FCRLA: variants seen among roughly 807,000 people sequenced by gnomAD.
FCRLA encodes the protein Fc receptor like A, also known as Fc receptor-like A.
FCRLA carries 26 observed loss-of-function variants against 28.4 expected under a neutral mutation model. That is an observed-to-expected ratio of 0.91 (90% CI 0.67 to 1.27). The LOEUF (loss-of-function observed/expected upper bound fraction) is 1.27, where lower values mean the gene tolerates loss of function less well. FCRLA is among the 50% of genes most tolerant of loss of function. The pLI, the probability that FCRLA is intolerant of heterozygous loss-of-function variation, is 0.00. For missense variants in FCRLA, 422 were observed against 433.1 expected, an observed-to-expected ratio of 0.97 and a Z score of 0.23; for synonymous variants, 174 against 168.5, an observed-to-expected ratio of 1.03 and a Z score of -0.25.
Position 161,711,492 on chromosome 1 carries a change from C to CA in FCRLA, c.499+19dup, listed in dbSNP as rs1557921875. 1 of 1,602,892 alleles carries CA rather than the reference C, an allele frequency of 6.2e-7. No individual in the cohort carries two copies. The highest frequency in any genetic ancestry group is 2.2e-5 in the East Asian group (1 of 44,678). On this transcript the variant is annotated intron_variant, in intron 3 of 4. Transcript: ENST00000236938. ...AGTCCAAGGTGAGAGCTAGAAGCAG[C>CA]ATTGTCATGGCAGGGGAGGGTAAGG...
chr1:161,710,160 A>G, intron 1 of FCRLA: 1 of 398,226 alleles, frequency 2.5e-6, no homozygotes, highest in South Asian at 2.8e-5. Flanking sequence ...GAAGTAGACC[A>G]TATTTGCACA....
rs910532078 is a variant in FCRLA, at chr1:161,712,010, T to A, written c.576T>A (p.Cys192Ter). 82 of 1,614,040 alleles carry A rather than the reference T, an allele frequency of 5.1e-5. No homozygotes were observed. The highest frequency in any genetic ancestry group is 6.7e-5 in the Non-Finnish European group (79 of 1,180,032). Residue 192 changes from cysteine (C) to a stop codon, truncating the protein, a stop_gained, in exon 4 of 5, where the codon TGT becomes TGA. Transcript: ENST00000236938. LOFTEE classifies it high-confidence loss of function. The part of the protein sequence containing the change: ...PQAGSPMTLS[C>*]QTKLPLQRSA... Reference sequence around the variant, plus strand: ...CAGGAAGCCCCATGACCCTGAGTTGTCAGACAAAGTTGCCCCTGCAGAGGT... The same window carrying A: ...CAGGAAGCCCCATGACCCTGAGTTGACAGACAAAGTTGCCCCTGCAGAGGT...
chr1:161,714,005 A>T lies in FCRLA; in HGVS notation c.*625A>T, dbSNP rs1167425702. On this transcript the variant is annotated 3_prime_UTR_variant, in exon 5 of 5. Transcript: ENST00000236938. ...GCCTCATTCAGCTATTCTTACTGAC[A>T]TACCAGTCTTTAGCTGGTGCTATGG... 6.6e-6 allele frequency: 1 copy of T among 152,412 alleles called. No homozygotes were observed. The highest frequency in any genetic ancestry group is 2.4e-5 in the African/African-American group (1 of 41,446). 9.4% of individuals were successfully genotyped at this position (152,412 alleles called of 1,614,324 possible). A position where few individuals can be genotyped will look rare whatever the true frequency, so the allele number is the denominator to read the frequency against.
At position 161,713,103 on chromosome 1, in the gene FCRLA, C is replaced by T. The variant is rs2101663292; in HGVS notation, c.803C>T (p.Ala268Val). 1 of 1,613,544 alleles carries T rather than the reference C, an allele frequency of 6.2e-7. No individual in the cohort carries two copies. Among genetic ancestry groups the T allele is most frequent in the African/African-American group, 1.3e-5 (1 of 74,932 alleles). ...AATTCAGGTGCTTCCAGCTCTGCTG[C>T]ACCTCCCACATTGAATCCAGCTCCT... ...IRVQGASSSAAPPTLNPAPQK... is the reference protein window; with the variant it reads ...IRVQGASSSAVPPTLNPAPQK... Residue 268 changes from alanine to valine, a missense_variant, in exon 5 of 5, where the codon GCA (alanine) becomes GTA (valine). Ala to Val is a moderately conservative substitution (Grantham distance 64). Around this residue, in one of 3 missense-constraint regions of FCRLA, gnomAD observed 185 missense variants for 198.1 expected, o/e 0.93. Coordinates refer to ENST00000236938, the MANE Select transcript of FCRLA (RefSeq NM_032738.4).
chr1:161,713,057 T>G, intron 4 of FCRLA, 28 bp from the exon 5 acceptor site: 1 of 1,594,076 alleles, frequency 6.3e-7, no homozygotes, highest in Non-Finnish European at 8.5e-7. Flanking sequence ...ACTTCACTCT[T>G]GTATGTGCCT....
At chr1:161,711,822 T>C in intron 3 of FCRLA, 112 bp from the exon 4 acceptor site, 3 of 1,290,024 alleles carry the variant, frequency 2.3e-6, no homozygotes, top group Non-Finnish European at 3.2e-6. Context: ...GAGAGCCCAT[T>C]CCTGCTGGAA....
intron 2 of FCRLA, 25 bp downstream of exon 2, chr1:161,710,937 A>T: frequency 1.2e-6 from 2 of 1,611,182 alleles, no homozygotes; most frequent in South Asian, 2.2e-5. Flanking sequence ...AGGCCTGAGC[A>T]GTGCCCCAAA....
intron 3 of FCRLA, 101 bp downstream of exon 3, chr1:161,711,575 G>A: frequency 1.4e-6 from 2 of 1,440,678 alleles, no homozygotes; most frequent in Non-Finnish European, 1.9e-6. Context: ...ATCATCAACA[G>A]ACTATGGAGC....
Position 161,712,072 on chromosome 1 carries a change from G to A in FCRLA, c.638G>A (p.Gly213Glu), listed in dbSNP as rs375980500. ...ARLLFSFYKD[G>E]RIVQSRGLSS... ...CTCCTCTTCTCCTTCTACAAGGATGGAAGGATAGTGCAAAGCAGGGGGCTC... is the reference window on the plus strand; with the variant it reads ...CTCCTCTTCTCCTTCTACAAGGATGAAAGGATAGTGCAAAGCAGGGGGCTC... Residue 213 changes from glycine to glutamate, a missense_variant, in exon 4 of 5, where the codon GGA (glycine) becomes GAA (glutamate). Transcript: ENST00000236938. The A allele has an allele frequency of 2.5e-6, 4 of 1,614,062 alleles. No individual in the cohort carries two copies. The African/African-American group carries it at 5.3e-5, about 22-fold the overall frequency.
rs776354718 is a variant in FCRLA at position 161,711,492 on chromosome 1, C to T, written c.499+18C>T. Reference sequence around the variant, plus strand: ...AGTCCAAGGTGAGAGCTAGAAGCAGCATTGTCATGGCAGGGGAGGGTAAGG... The same window carrying T: ...AGTCCAAGGTGAGAGCTAGAAGCAGTATTGTCATGGCAGGGGAGGGTAAGG... On this transcript the variant is annotated intron_variant, in intron 3 of 4. Coordinates refer to ENST00000236938, the MANE Select transcript of FCRLA (RefSeq NM_032738.4). 3 of 1,602,892 alleles carry T rather than the reference C, an allele frequency of 1.9e-6. No homozygotes were observed. Among genetic ancestry groups the T allele is most frequent in the Non-Finnish European group, 2.6e-6 (3 of 1,172,732 alleles).
chr1:161,707,521 T>G (rs1356087677), intron 1 of FCRLA, among the ~76,000 whole-genome samples, 178 bp downstream of exon 1: 3 of 152,228 alleles, frequency 2.0e-5, no homozygotes, highest in Non-Finnish European at 2.9e-5. Flanking sequence ...TTTCTGAATA[T>G]AAAAATCTTC....
chr1:161,708,369 T>A (rs1682934604), intron 1 of FCRLA, among the ~76,000 whole-genome samples: 1 of 152,256 alleles, frequency 6.6e-6, no homozygotes, highest in Non-Finnish European at 1.5e-5. Context: ...GGATCATCAC[T>A]AATGTCTTAG....
At chr1:161,709,011 T>G (rs1682966420) in intron 1 of FCRLA, among the ~76,000 whole-genome samples, 1 of 152,264 alleles carries the variant, frequency 6.6e-6, no homozygotes, top group African/African-American at 2.4e-5. Flanking sequence ...TATGTCACTT[T>G]AGAAAATCAC....
Position 161,711,446 on chromosome 1 carries a change from A to G in FCRLA, c.471A>G (p.Thr157=). The part of the protein sequence containing the change: ...FQSPGPGIPE[T]ASVVAITVQE... ...GCCCTGGTCCTGGGATCCCAGAAAC[A>G]GCATCTGTTGTGGCTATCACAGTCC... Residue 157 remains threonine (T), a synonymous_variant, in exon 3 of 5, where the codon ACA becomes ACG. Coordinates refer to ENST00000236938, the MANE Select transcript of FCRLA (RefSeq NM_032738.4). 6.2e-7 allele frequency: 1 copy of G among 1,614,158 alleles called. No individual in the cohort carries two copies. The highest frequency in any genetic ancestry group is 8.5e-7 in the Non-Finnish European group (1 of 1,180,004).
At position 161,713,616 on chromosome 1, in the gene FCRLA, CTA is replaced by C. The variant is rs1683219210; in HGVS notation, c.*238_*239del. The C allele has an allele frequency of 2.3e-6, 1 of 442,914 alleles. No homozygotes were observed. Among genetic ancestry groups the C allele is most frequent in the Non-Finnish European group, 4.0e-6 (1 of 249,944 alleles). The allele number at this position is 442,914 out of a possible 1,614,324, so 27.4% of individuals were successfully genotyped here. A position where few individuals can be genotyped will look rare whatever the true frequency, so the allele number is the denominator to read the frequency against. On this transcript the variant is annotated 3_prime_UTR_variant, in exon 5 of 5. Transcript: ENST00000236938. The stretch of plus-strand genomic sequence containing the variant: ...ATTCTGCTGTCTAGATCAGGAATTT[CTA>C]TCTGTTATATCGACCAGAATGTTGT...
intron 4 of FCRLA, among the ~76,000 whole-genome samples, chr1:161,712,789 C>T (rs1414264107): frequency 1.3e-5 from 2 of 152,184 alleles, no homozygotes; most frequent in Non-Finnish European, 2.9e-5. Context: ...AGAGGCTGAC[C>T]TAGAACCAGT....
Position 161,711,146 on chromosome 1 carries a change from T to C in FCRLA, c.233-62T>C, listed in dbSNP as rs968725702. ...CAGAGAAAGTTTAGGGGAGTAGGCATGCTTGGGGGTGGCCCCCAAGGGAGG... is the reference window on the plus strand; with the variant it reads ...CAGAGAAAGTTTAGGGGAGTAGGCACGCTTGGGGGTGGCCCCCAAGGGAGG... On this transcript the variant is annotated intron_variant, in intron 2 of 4. Coordinates refer to ENST00000236938, the MANE Select transcript of FCRLA (RefSeq NM_032738.4). The C allele has an allele frequency of 3.2e-6, 5 of 1,552,966 alleles. No individual in the cohort carries two copies. The African/African-American group carries it at 4.1e-5, about 13-fold the overall frequency.
intron 3 of FCRLA, 69 bp from the exon 4 acceptor site, chr1:161,711,865 C>T: frequency 6.6e-7 from 1 of 1,513,894 alleles, no homozygotes; most frequent in Non-Finnish European, 8.9e-7. Flanking sequence ...CCCCAAGTCT[C>T]TTCACCTGCA....
At chr1:161,710,471 C>G (rs931017457) in intron 1 of FCRLA, 1 of 1,550,836 alleles carries the variant, frequency 6.4e-7, no homozygotes, top group Non-Finnish European at 8.7e-7. Flanking sequence ...GTTTCCCGTA[C>G]CAGCAGCTGG....
Sources: gnomAD v4.1 joint callset for allele counts (sites outside exome capture counted in the v4.1 genomes callset) on GRCh38, gnomAD v4.1.1 for gene constraint, gnomAD v4.1.1 regional missense constraint, MANE v1.5 for transcripts, NCBI Gene and HGNC (gene_info 2026-07-23, HGNC 2026-07-21) for gene names.